Variants in TNKS observed in about 807,000 individuals in gnomAD.
The protein encoded by TNKS is poly [ADP-ribose] polymerase tankyrase-1.
A neutral mutation model predicts 135.8 loss-of-function variants in TNKS; 72 were observed. The ratio of observed to expected loss-of-function variants is 0.53; its 90% confidence interval spans 0.44 to 0.64. The LOEUF (loss-of-function observed/expected upper bound fraction) is 0.64, where lower values mean the gene tolerates loss of function less well. Ranked by LOEUF, TNKS falls within the 30% of genes least tolerant of loss-of-function variation. The pLI is 0.00. For missense variants in TNKS, 1,769 were observed against 1,674.0 expected (o/e 1.06, Z -0.99); for synonymous variants, 849 against 649.3 (o/e 1.31, Z -4.68).
At chr8:9,680,426 A>T (rs12056945) in intron 4 of TNKS, among the ~76,000 whole-genome samples, 1 of 152,148 alleles carries the variant, frequency 6.6e-6, no homozygotes, top group Non-Finnish European at 1.5e-5. Context: ...TTTAACTCCA[A>T]CGTTTTAGTC....
intron 26 of TNKS, among the ~76,000 whole-genome samples, chr8:9,772,644 T>C (rs929707455): frequency 1.3e-5 from 2 of 152,074 alleles, no homozygotes; most frequent in African/African-American, 2.4e-5. Context: ...AATATGGACA[T>C]TAAATAAAAG....
intron 26 of TNKS, chr8:9,772,540 C>T (rs566995812): frequency 2.6e-6 from 1 of 384,158 alleles, no homozygotes; most frequent in South Asian, 2.0e-5. Flanking sequence ...TTACATGAGG[C>T]CCAAGAGACA....
chr8:9,756,460 A>G (rs551136647), intron 20 of TNKS, among the ~76,000 whole-genome samples: 1 of 151,936 alleles, frequency 6.6e-6, no homozygotes, highest in Non-Finnish European at 1.5e-5. Context: ...ATTTTAATGT[A>G]TACTAGATAG....
At chr8:9,579,345 C>T (rs970883387) in intron 1 of TNKS, among the ~76,000 whole-genome samples, 3 of 152,174 alleles carry the variant, frequency 2.0e-5, no homozygotes, top group Non-Finnish European at 4.4e-5. Context: ...TTCAAAATTC[C>T]CTTTGACCAA....
At chr8:9,592,947 C>T (rs939018692) in intron 2 of TNKS, among the ~76,000 whole-genome samples, 2 of 152,160 alleles carry the variant, frequency 1.3e-5, no homozygotes, top group African/African-American at 4.8e-5. Context: ...TTCCATTTGT[C>T]AAGTAACTGC....
At chr8:9,717,102 T>TATATATATATATATATATATATA (rs60792807) in intron 11 of TNKS, among the ~76,000 whole-genome samples, 216 of 122,700 alleles carry the variant, frequency 1.8e-3, no homozygotes, top group South Asian at 2.5e-3. Context: ...TATATATATA[T>TATATATATATATATATATATATA]TTTCAGGGAA....
chr8:9,607,639 C>T (rs1375057472), intron 2 of TNKS, among the ~76,000 whole-genome samples: 1 of 152,104 alleles, frequency 6.6e-6, no homozygotes, highest in African/African-American at 2.4e-5. Context: ...ATACTCGTTT[C>T]CTAAGTGAGG....
At chr8:9,567,785 T>G (rs1157151271) in intron 1 of TNKS, among the ~76,000 whole-genome samples, 1 of 152,160 alleles carries the variant, frequency 6.6e-6, no homozygotes, top group Non-Finnish European at 1.5e-5. Flanking sequence ...TTGCTGTATG[T>G]TTTGACTCAT....
intron 2 of TNKS, among the ~76,000 whole-genome samples, chr8:9,608,393 A>G (rs2128762330): frequency 6.6e-6 from 1 of 152,256 alleles, no homozygotes; most frequent in African/African-American, 2.4e-5. Context: ...ATTCATAACT[A>G]ACGTTGATGC....
intron 3 of TNKS, among the ~76,000 whole-genome samples, chr8:9,627,793 A>G (rs1423401493): frequency 1.3e-5 from 2 of 152,108 alleles, no homozygotes; most frequent in African/African-American, 4.8e-5. Context: ...TATAATCATA[A>G]CCATAAATCT....
Position 9,706,829 on chromosome 8 carries a change from G to A in TNKS, c.1288G>A (p.Ala430Thr), listed in dbSNP as rs1263102249. 1 of 1,611,750 alleles carries A rather than the reference G, an allele frequency of 6.2e-7. No homozygotes were observed. Among genetic ancestry groups the A allele is most frequent in the Non-Finnish European group, 8.5e-7 (1 of 1,179,336 alleles). The change falls in exon 8 of 27, where the codon GCC becomes ACC. Residue 430 changes from alanine to threonine, a missense_variant. By Grantham distance (58) the Ala-to-Thr change is moderately conservative. Coordinates refer to ENST00000310430, the MANE Select transcript of TNKS (RefSeq NM_003747.3). ...AATTCAGCATGGAGCTTGTGTTAAT[G>A]CCATGGATCTCTGGCAGTTTACTCC... ...LLLKHGACVN[A>T]MDLWQFTPLH...
At chr8:9,726,835 T>G in intron 13 of TNKS, 115 bp downstream of exon 13, 3 of 841,254 alleles carry the variant, frequency 3.6e-6, no homozygotes, top group Non-Finnish European at 5.6e-6. Context: ...ATGAACAGAG[T>G]CATGGGCAGG....
chr8:9,660,394 C>G (rs1024631976), intron 3 of TNKS, among the ~76,000 whole-genome samples: 1 of 152,160 alleles, frequency 6.6e-6, no homozygotes, highest in Non-Finnish European at 1.5e-5. Flanking sequence ...CCACCATGAT[C>G]AAGTGGGCTT....
intron 3 of TNKS, among the ~76,000 whole-genome samples, chr8:9,645,908 T>G (rs933444567): frequency 6.6e-6 from 1 of 152,218 alleles, no homozygotes; most frequent in African/African-American, 2.4e-5. Flanking sequence ...TAAATTCACA[T>G]TGTTTCTCTG....
intron 2 of TNKS, among the ~76,000 whole-genome samples, chr8:9,608,679 T>C (rs1293528644): frequency 1.3e-5 from 2 of 152,166 alleles, no homozygotes; most frequent in Non-Finnish European, 2.9e-5. Context: ...TCTTCTCTAG[T>C]TTCCCATCCT....
At chr8:9,750,927 C>A (rs1245142194) in intron 18 of TNKS, among the ~76,000 whole-genome samples, 1 of 152,210 alleles carries the variant, frequency 6.6e-6, no homozygotes, top group Non-Finnish European at 1.5e-5. Flanking sequence ...AACTTCTGTA[C>A]AACATGGCAG....
intron 3 of TNKS, among the ~76,000 whole-genome samples, chr8:9,672,725 CAA>C (rs1802354282): frequency 2.2e-5 from 1 of 46,232 alleles, no homozygotes; most frequent in African/African-American, 8.4e-5. Flanking sequence ...AAAAAAAAAA[CAA>C]ACTAATATCC....
chr8:9,765,812 A>C lies in TNKS; in HGVS notation c.3553+15A>C, dbSNP rs371444971. ...GTTGTTTCATGGTAAGCAGCGTGGC[A>C]GGGACGGTGGACGTCTCCCTGGGCC... is the stretch of plus-strand genomic sequence containing the variant. On this transcript the variant is annotated intron_variant, in intron 24 of 26. Coordinates refer to ENST00000310430, the MANE Select transcript of TNKS (RefSeq NM_003747.3). 1 of 1,610,054 alleles carries C rather than the reference A, an allele frequency of 6.2e-7. No homozygotes were observed.
chr8:9,576,609 CAT>C lies in TNKS; in HGVS notation c.674-3549_674-3548del, dbSNP rs1797957718. ...TCTCCAGATGTCATGAGAATTCACTCATGTGACAGCACTAGGGTGATGGTGCT... is the reference window on the plus strand; with the variant it reads ...TCTCCAGATGTCATGAGAATTCACTCGTGACAGCACTAGGGTGATGGTGCT... On this transcript the variant is annotated intron_variant, in intron 1 of 26. Transcript: ENST00000310430. Among the ~76,000 whole-genome samples the C allele has an allele frequency of 3.3e-5, 5 of 151,864 alleles. No individual in the cohort carries two copies. In the South Asian group the frequency reaches 1.0e-3, roughly 32 times the overall value.
Sources: gnomAD v4.1 joint callset for allele counts (sites outside exome capture counted in the v4.1 genomes callset) on GRCh38, gnomAD v4.1.1 for gene constraint, MANE v1.5 for transcripts, NCBI Gene and HGNC (gene_info 2026-07-23, HGNC 2026-07-21) for gene names.